Variants in PAX2 observed in about 807,000 individuals in gnomAD.
PAX2 encodes paired box 2, also known as paired box protein Pax-2.
In PAX2, 9 loss-of-function variants were observed where a neutral mutation model predicts 41.7. The observed-to-expected ratio is 0.22, with a 90% CI of 0.13 to 0.38. The LOEUF is 0.38. PAX2 is among the 10% of genes least tolerant of loss of function. PAX2 has a pLI of 1.00. For synonymous variants in PAX2, 221 were observed against 212.7 expected, an observed-to-expected ratio of 1.04 and a Z score of -0.34; for missense variants, 418 against 531.6, an observed-to-expected ratio of 0.79 and a Z score of 2.10.
At position 100,749,758 on chromosome 10, in the gene PAX2, G is replaced by C; in HGVS notation, c.56G>C (p.Gly19Ala). ...PFSAMHPGHG[G>A]VNQLGGVFVN... ...TGTCTCTCCCCAGCAGGGCACGGGG[G>C]TGTGAACCAGCTCGGGGGGGTGTTT... Residue 19 changes from glycine (G) to alanine (A), a missense_variant, in exon 2 of 10, where the codon GGT becomes GCT. Physicochemically the swap from Gly to Ala is moderately conservative, Grantham distance 60. Around this residue, in one of 2 missense-constraint regions of PAX2, gnomAD observed 108 missense variants for 206.3 expected, o/e 0.52. Coordinates refer to ENST00000355243, the MANE Select transcript of PAX2 (RefSeq NM_000278.5). 1.9e-6 allele frequency: 3 copies of C among 1,611,380 alleles called. No individual in the cohort carries two copies. The highest frequency in any genetic ancestry group is 2.5e-6 in the Non-Finnish European group (3 of 1,178,448).
In PAX2 at chr10:100,750,717, A is replaced by G; in HGVS notation, c.236A>G (p.Lys79Arg). 6.2e-7 allele frequency: 1 copy of G among 1,614,202 alleles called. No individual in the cohort carries two copies. The highest frequency in any genetic ancestry group is 1.3e-5 in the African/African-American group (1 of 75,062). The change falls in exon 3 of 10, where the codon AAG (lysine) becomes AGG (arginine). Residue 79 changes from lysine to arginine, a missense_variant. Lys to Arg is a conservative substitution (Grantham distance 26, BLOSUM62 2). Transcript: ENST00000355243. The surrounding 1 kb of genome is among the most constrained non-coding windows in gnomAD (Gnocchi z 4.1). ...AGGTACTACGAGACCGGCAGCATCA[A>G]GCCGGGTGTGATCGGTGGCTCCAAG... The part of the protein sequence containing the change: ...LGRYYETGSI[K>R]PGVIGGSKPK...
At chr10:100,742,252 C>T (rs1285133964), upstream of PAX2, among the ~76,000 whole-genome samples, 2 of 152,326 alleles carry the variant, frequency 1.3e-5, no homozygotes, top group African/African-American at 2.4e-5. Flanking sequence ...AGGTCTACAC[C>T]GGCACTTCAC....
intron 5 of PAX2, among the ~76,000 whole-genome samples, chr10:100,784,834 G>A (rs556206444): frequency 1.8e-4 from 28 of 152,312 alleles, no homozygotes; most frequent in African/African-American, 6.0e-4. Flanking sequence ...GAGCCTGTTT[G>A]AGACCCCTTC....
At chr10:100,811,390 G>C (rs1589888584) in intron 7 of PAX2, among the ~76,000 whole-genome samples, 1 of 152,266 alleles carries the variant, frequency 6.6e-6, no homozygotes, top group South Asian at 2.1e-4. Flanking sequence ...ATTTGCTAGA[G>C]GTACTGTCAA....
intron 8 of PAX2, among the ~76,000 whole-genome samples, chr10:100,825,960 G>C (rs1206464555): frequency 6.6e-6 from 1 of 151,876 alleles, no homozygotes; most frequent in Non-Finnish European, 1.5e-5. Flanking sequence ...GGGAAGAGTG[G>C]GGAGGTGGGG....
At chr10:100,778,290 T>C (rs1234018720) in intron 3 of PAX2, among the ~76,000 whole-genome samples, 1 of 152,230 alleles carries the variant, frequency 6.6e-6, no homozygotes, top group African/African-American at 2.4e-5. Context: ...AATTTCCCTC[T>C]GTTCAGCGAC....
At chr10:100,762,213 AC>A (rs1332222904) in intron 3 of PAX2, among the ~76,000 whole-genome samples, 20 of 149,016 alleles carry the variant, frequency 1.3e-4, no homozygotes, top group Non-Finnish European at 2.5e-4. Context: ...AAAAAAAAAA[AC>A]AAAACTAAGT....
chr10:100,810,864 C>T (rs962611209), intron 7 of PAX2, among the ~76,000 whole-genome samples: 3 of 152,200 alleles, frequency 2.0e-5, no homozygotes, highest in African/African-American at 7.2e-5. Flanking sequence ...CCCGCCTCCC[C>T]CCCATGGCCC....
At position 100,746,041 on chromosome 10, in the gene PAX2, C is replaced by T; in HGVS notation, c.-220C>T. 5 of 1,449,900 alleles carry T rather than the reference C, an allele frequency of 3.4e-6. No homozygotes were observed. The highest frequency in any genetic ancestry group is 4.5e-6 in the Non-Finnish European group (5 of 1,109,202). 89.8% of individuals were successfully genotyped at this position (1,449,900 alleles called of 1,614,324 possible). A position where few individuals can be genotyped will look rare whatever the true frequency, so the allele number is the denominator to read the frequency against. On this transcript the variant is annotated 5_prime_UTR_variant, in exon 1 of 10. Coordinates refer to ENST00000355243, the MANE Select transcript of PAX2 (RefSeq NM_000278.5). The stretch of plus-strand genomic sequence containing the variant: ...GCCCAGCCCCGAGCCCCGACAGTGG[C>T]AAGTTGCGGCTACTGCAGTTGCAAG...
intron 3 of PAX2, among the ~76,000 whole-genome samples, chr10:100,757,172 G>T (rs981109985): frequency 6.6e-6 from 1 of 152,102 alleles, no homozygotes; most frequent in Non-Finnish European, 1.5e-5. Flanking sequence ...TGTGTTTGTG[G>T]GTACCTACCT....
At position 100,827,946 on chromosome 10, in the gene PAX2, C is replaced by G. The variant is rs1848646951; in HGVS notation, c.*327C>G. On this transcript the variant is annotated 3_prime_UTR_variant, in exon 10 of 10. Transcript: ENST00000355243. This position sits in a 1 kb window ranked among gnomAD's most constrained non-coding sequence, Gnocchi z 8.5. Reference sequence around the variant, plus strand: ...GTCCCGGCCTCCACCAAGCCAGCCCCGAAGCCCGCCAGCCACCCTGCCGGA... The same window carrying G: ...GTCCCGGCCTCCACCAAGCCAGCCCGGAAGCCCGCCAGCCACCCTGCCGGA... 2 of 329,984 alleles carry G rather than the reference C, an allele frequency of 6.1e-6. No homozygotes were observed. Among genetic ancestry groups the G allele is most frequent in the Non-Finnish European group, 1.1e-5 (2 of 183,350 alleles). 20.4% of individuals were successfully genotyped at this position (329,984 alleles called of 1,614,324 possible).
At chr10:100,770,362 C>T (rs1306333434) in intron 3 of PAX2, among the ~76,000 whole-genome samples, 4 of 152,208 alleles carry the variant, frequency 2.6e-5, no homozygotes, top group South Asian at 2.1e-4. Context: ...CTGGTAGATT[C>T]CAGCTCTAGC....
intron 7 of PAX2, among the ~76,000 whole-genome samples, chr10:100,822,012 T>C (rs1848393131): frequency 6.6e-6 from 1 of 152,204 alleles, no homozygotes; most frequent in Non-Finnish European, 1.5e-5. Context: ...GCTGTCATTG[T>C]CTACTTCAGG....
Position 100,769,625 on chromosome 10 carries a change from A to AAAAT in PAX2, c.411-9873_411-9872insAAAT, listed in dbSNP as rs1441999928. ...AACAGTGTGAGACTCCATCTCAAAA[A>AAAAT]GAATAAAATAAAATAAAATAAAATA... On this transcript the variant is annotated intron_variant, in intron 3 of 9. Coordinates refer to ENST00000355243, the MANE Select transcript of PAX2 (RefSeq NM_000278.5). 1.2e-3 allele frequency among the ~76,000 whole-genome samples: 145 copies of AAAAT among 121,714 alleles called. 4 individuals carry two copies. Among genetic ancestry groups the AAAAT allele is most frequent in the African/African-American group, 6.3e-3 (136 of 21,420 alleles). The allele number at this position is 121,714 out of a possible 152,430, so 79.8% of individuals were successfully genotyped here.
upstream of PAX2, among the ~76,000 whole-genome samples, chr10:100,741,265 T>G (rs1312924603): frequency 1.3e-4 from 18 of 137,222 alleles, no homozygotes; most frequent in African/African-American, 1.9e-4. Context: ...AAAAGAAGAG[T>G]GAGAGCAGGA....
At chr10:100,808,895 G>A (rs1847892078) in intron 6 of PAX2, among the ~76,000 whole-genome samples, 1 of 152,180 alleles carries the variant, frequency 6.6e-6, no homozygotes, top group African/African-American at 2.4e-5. Flanking sequence ...CCCAAAATGT[G>A]TAAAGGGTGC....
intron 3 of PAX2, among the ~76,000 whole-genome samples, chr10:100,760,467 C>T (rs1056116565): frequency 1.3e-5 from 2 of 152,186 alleles, no homozygotes; most frequent in Non-Finnish European, 2.9e-5. Context: ...AGTCTGTGTG[C>T]ATGCACAAGT....
intron 4 of PAX2, among the ~76,000 whole-genome samples, chr10:100,780,072 C>A (rs1017393348): frequency 6.6e-6 from 1 of 152,036 alleles, no homozygotes; most frequent in Non-Finnish European, 1.5e-5. Flanking sequence ...TCTCCCTCTG[C>A]CCTTCCCTCT....
chr10:100,790,365 G>A (rs967083200), intron 5 of PAX2, among the ~76,000 whole-genome samples: 3 of 152,082 alleles, frequency 2.0e-5, no homozygotes, highest in Admixed American at 6.5e-5. Flanking sequence ...TTGCACCCTC[G>A]TGGACGAGCA....
Sources: gnomAD v4.1 joint callset for allele counts (sites outside exome capture counted in the v4.1 genomes callset) on GRCh38, gnomAD v4.1.1 for gene constraint, gnomAD v4.1.1 regional missense constraint, Gnocchi (gnomAD v3.1) non-coding constraint, MANE v1.5 for transcripts, NCBI Gene and HGNC (gene_info 2026-07-23, HGNC 2026-07-21) for gene names.